The following CIB3 variants were observed in gnomAD, a reference collection of about 807,000 sequenced individuals.
CIB3 encodes the protein calcium and integrin binding family member 3, also known as calcium and integrin-binding family member 3.
A neutral mutation model predicts 23.4 loss-of-function variants in CIB3; 22 were observed. The observed-to-expected ratio is 0.94, with a 90% CI of 0.67 to 1.34. CIB3 has a LOEUF of 1.34. Ranked by LOEUF, CIB3 falls within the 40% of genes most tolerant of loss-of-function variation. The pLI is 0.00. For synonymous variants in CIB3, 93 were observed against 95.8 expected, an observed-to-expected ratio of 0.97 and a Z score of 0.17; for missense variants, 258 against 247.3, an observed-to-expected ratio of 1.04 and a Z score of -0.29.
chr19:16,169,865 T>C, intron 2 of CIB3, 124 bp from the exon 3 acceptor site: 1 of 739,376 alleles, frequency 1.4e-6, no homozygotes, highest in Non-Finnish European at 2.1e-6. Flanking sequence ...AGTGGCACAA[T>C]CTCGGCTCAC....
chr19:16,171,429 A>G (rs2091327781), intron 2 of CIB3, among the ~76,000 whole-genome samples: 1 of 152,058 alleles, frequency 6.6e-6, no homozygotes, highest in African/African-American at 2.4e-5. Flanking sequence ...TGAGGTCCCC[A>G]AGCTGCTAGG....
At chr19:16,161,522 G>A (rs780242348) in intron 5 of CIB3, 36 bp from the exon 6 acceptor site, 1 of 1,613,028 alleles carries the variant, frequency 6.2e-7, no homozygotes, top group Non-Finnish European at 8.5e-7. Flanking sequence ...AGGCCTTCAA[G>A]GAGTGGACAA....
intron 5 of CIB3, among the ~76,000 whole-genome samples, chr19:16,164,222 C>T (rs781689856): frequency 6.6e-6 from 1 of 152,186 alleles, no homozygotes; most frequent in African/African-American, 2.4e-5. Context: ...AGATCCTCCC[C>T]ACTTAGCCTC....
chr19:16,169,759 A>C lies in CIB3; in HGVS notation c.87-18T>G, dbSNP rs1228474294. 1.3e-6 allele frequency: 2 copies of C among 1,581,750 alleles called. No individual in the cohort carries two copies. The highest frequency in any genetic ancestry group is 1.7e-6 in the Non-Finnish European group (2 of 1,164,462). The stretch of plus-strand genomic sequence containing the variant: ...AGAAGAGCCTGATGTGGGGAGGAAA[A>C]AGCTGGGAAAGACTGGGAGCAGGGA... On this transcript the variant is annotated intron_variant, in intron 2 of 5. Transcript: ENST00000269878.
At chr19:16,167,381 C>T (rs149826679) in intron 4 of CIB3, among the ~76,000 whole-genome samples, 1 of 152,160 alleles carries the variant, frequency 6.6e-6, no homozygotes, top group Non-Finnish European at 1.5e-5. Context: ...ACTGTTGGTA[C>T]CTTTGAGTCT....
At position 16,164,083 on chromosome 19, in the gene CIB3, G is replaced by A. The variant is rs555858427; in HGVS notation, c.542+635C>T. On this transcript the variant is annotated intron_variant, in intron 5 of 5. Transcript: ENST00000269878. ...CCTCCTGGGCTCAAGCAATCCTCCCGCCTCAGCCTCCCAAGTAGCTGGGAC... is the reference window on the plus strand; with the variant it reads ...CCTCCTGGGCTCAAGCAATCCTCCCACCTCAGCCTCCCAAGTAGCTGGGAC... 2.2e-3 allele frequency among the ~76,000 whole-genome samples: 335 copies of A among 152,142 alleles called. 2 individuals are homozygous for A. Among genetic ancestry groups the A allele is most frequent in the African/African-American group, 6.6e-3 (273 of 41,508 alleles).
chr19:16,171,916 C>G (rs770545824), intron 2 of CIB3, among the ~76,000 whole-genome samples: 2 of 152,258 alleles, frequency 1.3e-5, no homozygotes, highest in Non-Finnish European at 2.9e-5. Flanking sequence ...CCCTGGCCAG[C>G]TTGGGTTTCA....
At chr19:16,172,279 T>G (rs1196310767) in intron 2 of CIB3, among the ~76,000 whole-genome samples, 1 of 152,142 alleles carries the variant, frequency 6.6e-6, no homozygotes, top group African/African-American at 2.4e-5. Context: ...CTCAGCCTCT[T>G]GAGTAGCTGG....
At chr19:16,173,307 A>G (rs2091338440) in intron 1 of CIB3, 111 bp from the exon 2 acceptor site, 1 of 1,576,692 alleles carries the variant, frequency 6.3e-7, no homozygotes, top group South Asian at 1.1e-5. Flanking sequence ...CCACACACAG[A>G]GCAGAACCAG....
intron 5 of CIB3, 150 bp from the exon 6 acceptor site, chr19:16,161,636 A>T: frequency 1.5e-6 from 1 of 673,064 alleles, no homozygotes. Context: ...GGAGACCCCT[A>T]CAGGGGCTGA....
At chr19:16,169,030 A>G (rs2091317141) in intron 3 of CIB3, among the ~76,000 whole-genome samples, 1 of 152,220 alleles carries the variant, frequency 6.6e-6, no homozygotes, top group African/African-American at 2.4e-5. Context: ...TCCTGTTACA[A>G]GAAGAACTAA....
chr19:16,173,040 T>TTA, intron 2 of CIB3, 122 bp downstream of exon 2: 1 of 865,414 alleles, frequency 1.2e-6, no homozygotes, highest in South Asian at 2.0e-5. Context: ...GAAAGACTAC[T>TTA]TACACACACA....
At chr19:16,172,908 C>T (rs924231064) in intron 2 of CIB3, among the ~76,000 whole-genome samples, 11 of 149,900 alleles carry the variant, frequency 7.3e-5, no homozygotes, top group African/African-American at 2.5e-4. Flanking sequence ...GCCATGATTG[C>T]ACCACTGCAC....
At chr19:16,172,885 G>C (rs962510356) in intron 2 of CIB3, among the ~76,000 whole-genome samples, 1 of 151,100 alleles carries the variant, frequency 6.6e-6, no homozygotes, top group African/African-American at 2.4e-5. Context: ...TTGGGAGATC[G>C]AGCCTGCAAT....
intron 2 of CIB3, among the ~76,000 whole-genome samples, chr19:16,172,787 TA>T (rs919467985): frequency 1.3e-5 from 2 of 151,396 alleles, no homozygotes; most frequent in East Asian, 1.9e-4. Flanking sequence ...CCCATCTCTA[TA>T]AAAAAATACA....
At chr19:16,163,213 T>C (rs182782868) in intron 5 of CIB3, among the ~76,000 whole-genome samples, 106 of 152,184 alleles carry the variant, frequency 7.0e-4, no homozygotes, top group Admixed American at 1.6e-3. Flanking sequence ...AGTGAGCCGA[T>C]TGCACCATGC....
At position 16,173,204 on chromosome 19, in the gene CIB3, G is replaced by A. The variant is rs1274563422; in HGVS notation, c.52-8C>T. The A allele has an allele frequency of 6.2e-7, 1 of 1,613,882 alleles. No individual in the cohort carries two copies. The highest frequency in any genetic ancestry group is 1.3e-5 in the African/African-American group (1 of 74,870). ...TGTGAAAAATGTGCAGTCCTGTGGA[G>A]AGAGGTGTTGTCTTAACCCGAACCC... On this transcript the variant is annotated splice_region_variant and splice_polypyrimidine_tract_variant and intron_variant, in intron 1 of 5. Coordinates refer to ENST00000269878, the MANE Select transcript of CIB3 (RefSeq NM_054113.4).
rs891843538 is a variant in CIB3 at position 16,168,279 on chromosome 19, G to A, written c.204C>T (p.Asn68=). 1 of 1,613,742 alleles carries A rather than the reference G, an allele frequency of 6.2e-7. No homozygotes were observed. Among genetic ancestry groups the A allele is most frequent in the Admixed American group, 1.7e-5 (1 of 59,978 alleles). Residue 68 remains asparagine, a synonymous_variant, in exon 4 of 6, where the codon AAC becomes AAT. Coordinates refer to ENST00000269878, the MANE Select transcript of CIB3 (RefSeq NM_054113.4). The part of the protein sequence containing the change: ...LIGSMPELKD[N]PFRQRIAQVF... ...CCTGGGCAATCCTCTGGCGGAAGGG[G>A]TTGTCCTGGGGACAGAAAGGAAGCT...
At position 16,169,704 on chromosome 19, in the gene CIB3, C is replaced by T. The variant is rs751759884; in HGVS notation, c.124G>A (p.Val42Met). Reference protein sequence around the residue: ...YRYQDLAPQLVPLDYTTCPDV... With the variant: ...YRYQDLAPQLMPLDYTTCPDV... Reference sequence around the variant, plus strand: ...GGGCAGGTGGTATAGTCGAGGGGCACGAGCTGTGGGGCCAGGTCCTGGTAG... The same window carrying T: ...GGGCAGGTGGTATAGTCGAGGGGCATGAGCTGTGGGGCCAGGTCCTGGTAG... Residue 42 changes from valine (V) to methionine (M), a missense_variant, in exon 3 of 6, where the codon GTG (valine) becomes ATG (methionine). Transcript: ENST00000269878. 4.2e-5 allele frequency: 67 copies of T among 1,612,622 alleles called. No individual in the cohort carries two copies. Among genetic ancestry groups the T allele is most frequent in the Non-Finnish European group, 5.1e-5 (60 of 1,179,346 alleles).
Sources: allele counts gnomAD v4.1 joint callset (sites outside exome capture counted in the v4.1 genomes callset), GRCh38; gene constraint gnomAD v4.1.1; transcripts MANE v1.5; gene names NCBI Gene and HGNC (gene_info 2026-07-23, HGNC 2026-07-21).